SEPTIN9: variants seen among roughly 807,000 people sequenced by gnomAD.
SEPTIN9 encodes the protein septin-9.
SEPTIN9 carries 13 observed loss-of-function variants against 56.6 expected under a neutral mutation model. The observed-to-expected ratio is 0.23, with a 90% CI of 0.15 to 0.37. The LOEUF is 0.37. SEPTIN9 is among the 10% of genes least tolerant of loss of function. The pLI, the probability that SEPTIN9 is intolerant of heterozygous loss-of-function variation, is 1.00. For missense variants in SEPTIN9, 650 were observed against 823.1 expected, an observed-to-expected ratio of 0.79 and a Z score of 2.57; for synonymous variants, 332 against 334.1, an observed-to-expected ratio of 0.99 and a Z score of 0.07.
In SEPTIN9 at chr17:77,445,636, C is replaced by G; in HGVS notation, c.722-36508C>G. 2.8e-6 allele frequency: 1 copy of G among 361,960 alleles called. No homozygotes were observed. The highest frequency in any genetic ancestry group is 5.7e-6 in the Non-Finnish European group (1 of 174,964). The allele number at this position is 361,960 out of a possible 1,614,324, so 22.4% of individuals were successfully genotyped here. On this transcript the variant is annotated intron_variant, in intron 3 of 11. Transcript: ENST00000427177. The surrounding 1 kb of genome is among the most constrained non-coding windows in gnomAD (Gnocchi z 4.7). ...GTGTTTCAGCAGCACGTGGGTGTCA[C>G]CACACTTCCTAGCAGGTGTCAACCT...
chr17:77,380,941 T>C (rs1438071058), intron 2 of SEPTIN9, among the ~76,000 whole-genome samples: 2 of 152,246 alleles, frequency 1.3e-5, no homozygotes, highest in African/African-American at 4.8e-5. Flanking sequence ...TCTACAGTGC[T>C]GCCCCTCTGA....
chr17:77,293,618 C>T (rs2031670444), intron 1 of SEPTIN9, among the ~76,000 whole-genome samples: 2 of 152,158 alleles, frequency 1.3e-5, no homozygotes, highest in South Asian at 4.1e-4. Flanking sequence ...TGCAATGATT[C>T]ATTTAGAATG....
Position 77,316,502 on chromosome 17 carries a change from A to C in SEPTIN9, c.76+9305A>C, listed in dbSNP as rs76730117. On this transcript the variant is annotated intron_variant, in intron 2 of 11. Transcript: ENST00000427177. The stretch of plus-strand genomic sequence containing the variant: ...CAAGTGCTCCAGCCCTGGCCGTCAA[A>C]CCCATAGTGTGCACAGCGTGCAGGA... Among the ~76,000 whole-genome samples, 323 of 152,264 alleles carry C rather than the reference A, an allele frequency of 2.1e-3. 6 individuals are homozygous for C. The East Asian group carries it at 0.054, about 25-fold the overall frequency.
rs2032586372 is a variant in SEPTIN9, at chr17:77,313,449, A to G, written c.76+6252A>G. Among the ~76,000 whole-genome samples the G allele has an allele frequency of 6.6e-6, 1 of 152,244 alleles. No individual in the cohort carries two copies. The highest frequency in any genetic ancestry group is 1.5e-5 in the Non-Finnish European group (1 of 68,040). On this transcript the variant is annotated intron_variant, in intron 2 of 11. Coordinates refer to ENST00000427177, the MANE Select transcript of SEPTIN9 (RefSeq NM_001113491.2). This position sits in a 1 kb window ranked among gnomAD's most constrained non-coding sequence, Gnocchi z 4.5. ...CCAAGGGCAGAGATAGCTGGATTGT[A>G]TTTATTTAGGAACAGCCAAAGTCTG...
Position 77,405,174 on chromosome 17 carries a change from TTCTC to T in SEPTIN9, c.721+2472_721+2475del. On this transcript the variant is annotated intron_variant, in intron 3 of 11. Transcript: ENST00000427177. This position sits in a 1 kb window ranked among gnomAD's most constrained non-coding sequence, Gnocchi z 5.8. ...ATGTCCATGGGGATGTACAAGAACA[TTCTC>T]CTCCAGGGGCAGACACAGTTTAGCC... is the stretch of plus-strand genomic sequence containing the variant. The T allele has an allele frequency of 6.6e-7, 1 of 1,510,552 alleles. No individual in the cohort carries two copies. Among genetic ancestry groups the T allele is most frequent in the South Asian group, 1.2e-5 (1 of 83,462 alleles). The allele number at this position is 1,510,552 out of a possible 1,614,324, so 93.6% of individuals were successfully genotyped here. A position where few individuals can be genotyped will look rare whatever the true frequency, so the allele number is the denominator to read the frequency against.
intron 1 of SEPTIN9, among the ~76,000 whole-genome samples, chr17:77,305,551 C>T (rs990963960): frequency 6.6e-5 from 10 of 152,084 alleles, no homozygotes; most frequent in Non-Finnish European, 1.3e-4. Flanking sequence ...TTGTGTCACA[C>T]GCATTTCTCA....
chr17:77,288,763 C>A (rs2031392526), intron 1 of SEPTIN9, among the ~76,000 whole-genome samples: 1 of 152,196 alleles, frequency 6.6e-6, no homozygotes, highest in South Asian at 2.1e-4. Flanking sequence ...TAACAGGGAA[C>A]TTTAGCTCTG....
intron 3 of SEPTIN9, among the ~76,000 whole-genome samples, chr17:77,441,280 C>G (rs948411271): frequency 2.6e-5 from 4 of 152,208 alleles, no homozygotes; most frequent in Non-Finnish European, 4.4e-5. Flanking sequence ...TGGAGTGGGT[C>G]TGGGGCTGAC....
rs1189515485 is a variant in SEPTIN9 at position 77,449,824 on chromosome 17, G to T, written c.722-32320G>T. On this transcript the variant is annotated intron_variant, in intron 3 of 11. Transcript: ENST00000427177. The surrounding 1 kb of genome is among the most constrained non-coding windows in gnomAD (Gnocchi z 4.6). ...GGGGAGCTGTATTTTCTGAGTGGCC[G>T]CACTTCCTGGCCTAGACGTGTGTGT... Among the ~76,000 whole-genome samples the T allele has an allele frequency of 6.6e-6, 1 of 152,174 alleles. No homozygotes were observed. The highest frequency in any genetic ancestry group is 2.4e-5 in the African/African-American group (1 of 41,408).
chr17:77,319,255 T>C lies in SEPTIN9; in HGVS notation c.76+12058T>C, dbSNP rs2032813217. 6.6e-6 allele frequency among the ~76,000 whole-genome samples: 1 copy of C among 152,190 alleles called. No individual in the cohort carries two copies. Among genetic ancestry groups the C allele is most frequent in the South Asian group, 2.1e-4 (1 of 4,832 alleles). ...ACCCACATTGTAAACCCCCACCTGCTCTGCTGAGCCCTTGGCCTCAGCATG... is the reference window on the plus strand; with the variant it reads ...ACCCACATTGTAAACCCCCACCTGCCCTGCTGAGCCCTTGGCCTCAGCATG... On this transcript the variant is annotated intron_variant, in intron 2 of 11. Transcript: ENST00000427177. This position sits in a 1 kb window ranked among gnomAD's most constrained non-coding sequence, Gnocchi z 5.3.
At chr17:77,346,230 C>T (rs2033887037) in intron 2 of SEPTIN9, among the ~76,000 whole-genome samples, 1 of 143,620 alleles carries the variant, frequency 7.0e-6, no homozygotes, top group African/African-American at 2.5e-5. Context: ...GCGTGAGCTA[C>T]ACTGCACCTG....
chr17:77,365,258 T>G (rs1243148701), intron 2 of SEPTIN9, among the ~76,000 whole-genome samples: 1 of 152,202 alleles, frequency 6.6e-6, no homozygotes, highest in African/African-American at 2.4e-5. Flanking sequence ...TGCAGATGTA[T>G]TTTGCTCCCT....
intron 2 of SEPTIN9, among the ~76,000 whole-genome samples, chr17:77,348,862 C>T (rs973071775): frequency 5.9e-5 from 9 of 152,126 alleles, no homozygotes; most frequent in African/African-American, 9.7e-5. Context: ...TAAACAGCCC[C>T]ATGCATTTTA....
At chr17:77,373,771 C>A in intron 2 of SEPTIN9, 1 of 815,320 alleles carries the variant, frequency 1.2e-6, no homozygotes, top group Non-Finnish European at 1.7e-6. Context: ...CCGCGTAGAC[C>A]CTGCGCGCCC....
rs371399174 is a variant in SEPTIN9, at chr17:77,359,165, C to T, written c.77-42894C>T. 9.9e-5 allele frequency among the ~76,000 whole-genome samples: 15 copies of T among 152,266 alleles called. No homozygotes were observed. In the South Asian group the frequency reaches 1.9e-3, roughly 19 times the overall value. On this transcript the variant is annotated intron_variant, in intron 2 of 11. Coordinates refer to ENST00000427177, the MANE Select transcript of SEPTIN9 (RefSeq NM_001113491.2). ...ACTGGCCAGAACCCAGTTGTATGGC[C>T]GCTCCTGTCATCAGGGAGGCTGAGC...
rs1462511827 is a variant in SEPTIN9 at position 77,499,151 on chromosome 17, C to T, written c.*493C>T. On this transcript the variant is annotated 3_prime_UTR_variant, in exon 12 of 12. Transcript: ENST00000427177. ...CACCAGGAGCACCTGGACCCCCTGC[C>T]CGCCACATGGTGTGGCCATCACTCA... 1 of 536,756 alleles carries T rather than the reference C, an allele frequency of 1.9e-6. No individual in the cohort carries two copies. Among genetic ancestry groups the T allele is most frequent in the African/African-American group, 1.9e-5 (1 of 53,910 alleles). The allele number at this position is 536,756 out of a possible 1,614,324, so 33.2% of individuals were successfully genotyped here.
At position 77,498,787 on chromosome 17, in the gene SEPTIN9, C is replaced by A; in HGVS notation, c.*129C>A. ...CATCGTTCCCCACCCCTTCGACATG[C>A]TGCCAGGAAACAAGGGAAGGGGCCT... On this transcript the variant is annotated 3_prime_UTR_variant, in exon 12 of 12. Coordinates refer to ENST00000427177, the MANE Select transcript of SEPTIN9 (RefSeq NM_001113491.2). The A allele has an allele frequency of 1.5e-6, 1 of 648,298 alleles. No individual in the cohort carries two copies. The highest frequency in any genetic ancestry group is 2.7e-6 in the Non-Finnish European group (1 of 363,974). The allele number at this position is 648,298 out of a possible 1,614,324, so 40.2% of individuals were successfully genotyped here.
chr17:77,403,356 G>A (rs1034587905), intron 3 of SEPTIN9, among the ~76,000 whole-genome samples: 6 of 152,226 alleles, frequency 3.9e-5, no homozygotes, highest in Admixed American at 2.0e-4. Context: ...TGGACCAGGG[G>A]GCTGTGTGAT....
chr17:77,409,332 G>C (rs1386846919), intron 3 of SEPTIN9, among the ~76,000 whole-genome samples: 1 of 152,144 alleles, frequency 6.6e-6, no homozygotes, highest in African/African-American at 2.4e-5. Context: ...TGTCTCCTTC[G>C]TGGTGGGACG....
Sources: gnomAD v4.1 joint callset for allele counts (sites outside exome capture counted in the v4.1 genomes callset) on GRCh38, gnomAD v4.1.1 for gene constraint, Gnocchi (gnomAD v3.1) non-coding constraint, MANE v1.5 for transcripts, NCBI Gene and HGNC (gene_info 2026-07-23, HGNC 2026-07-21) for gene names.